The following MICU1 variants were observed in gnomAD, a reference collection of about 807,000 sequenced individuals.
The protein encoded by MICU1 is calcium uptake protein 1, mitochondrial.
Under a neutral mutation model 56.8 loss-of-function variants are expected in MICU1, and 45 were observed. The ratio of observed to expected loss-of-function variants is 0.79; its 90% CI spans 0.62 to 1.02. The LOEUF (loss-of-function observed/expected upper bound fraction) is 1.02. Among genes scored for constraint, MICU1 ranks in the 50% least tolerant of loss-of-function variants. The pLI is 0.00. For synonymous variants in MICU1, 186 were observed against 195.1 expected (o/e 0.95, Z 0.39); for missense variants, 504 against 587.1 (o/e 0.86, Z 1.46).
intron 8 of MICU1, chr10:72,467,684 T>C (rs1865834975): frequency 6.6e-6 from 1 of 152,204 alleles, no homozygotes; most frequent in Admixed American, 6.6e-5. Context: ...TCTTTTTCTT[T>C]CTGATTGAAC....
chr10:72,403,890 C>T (rs1351633262), intron 10 of MICU1, among the ~76,000 whole-genome samples: 5 of 151,896 alleles, frequency 3.3e-5, no homozygotes, highest in African/African-American at 9.7e-5. Context: ...CTCCTGACCT[C>T]GTGATCCGCC....
chr10:72,386,531 C>T (rs1862895020), intron 10 of MICU1, among the ~76,000 whole-genome samples: 2 of 151,024 alleles, frequency 1.3e-5, no homozygotes, highest in Non-Finnish European at 1.5e-5. Flanking sequence ...TATAGAGCCG[C>T]ACTCATCCCT....
intron 5 of MICU1, chr10:72,524,843 A>G (rs1867919910): frequency 2.7e-6 from 2 of 751,986 alleles, no homozygotes; most frequent in Admixed American, 8.6e-5. Flanking sequence ...ATATACAAAG[A>G]AACAGTTAAA....
intron 8 of MICU1, among the ~76,000 whole-genome samples, chr10:72,474,207 G>A (rs548345875): frequency 4.8e-4 from 56 of 117,012 alleles, no homozygotes; most frequent in African/African-American, 1.8e-3. Context: ...AGTGAGCCAA[G>A]ATCATATCAT....
At chr10:72,443,739 T>C (rs1272611881) in intron 8 of MICU1, among the ~76,000 whole-genome samples, 2 of 152,106 alleles carry the variant, frequency 1.3e-5, no homozygotes, top group Non-Finnish European at 2.9e-5. Flanking sequence ...CTGGAGAGGA[T>C]GTGGAGAAAT....
chr10:72,398,426 G>A lies in MICU1; in HGVS notation c.1180+9503C>T, dbSNP rs949182207. ...AAATGCAAAAGCTAGCAGAAGGCAAGAAATAACTAAGATCAGAGCAGAACT... is the reference window on the plus strand; with the variant it reads ...AAATGCAAAAGCTAGCAGAAGGCAAAAAATAACTAAGATCAGAGCAGAACT... On this transcript the variant is annotated intron_variant, in intron 10 of 11. Transcript: ENST00000361114. 4.7e-5 allele frequency among the ~76,000 whole-genome samples: 7 copies of A among 150,448 alleles called. No individual in the cohort carries two copies. The Admixed American group carries it at 4.7e-4, about 10-fold the overall frequency.
intron 6 of MICU1, among the ~76,000 whole-genome samples, chr10:72,500,319 T>C (rs1432996146): frequency 1.0e-4 from 10 of 96,050 alleles, no homozygotes; most frequent in African/African-American, 3.8e-4. Context: ...TTTTTTTTTT[T>C]TTTTTTTTTT....
At chr10:72,586,850 A>T (rs1841076761) in intron 1 of MICU1, among the ~76,000 whole-genome samples, 2 of 152,342 alleles carry the variant, frequency 1.3e-5, no homozygotes, top group East Asian at 3.9e-4. Flanking sequence ...AGACTATGGC[A>T]CATGCCTATA....
chr10:72,430,803 G>A lies in MICU1; in HGVS notation c.934-7432C>T, dbSNP rs375579758. Among the ~76,000 whole-genome samples, 47 of 152,102 alleles carry A rather than the reference G, an allele frequency of 3.1e-4. No individual in the cohort carries two copies. In the East Asian group the frequency reaches 3.3e-3, roughly 11 times the overall value. Reference sequence around the variant, plus strand: ...ATGAACTCCTGACCTCAGGTGATCCGCCAGCCTCAGCCTCCCAAAGTGCTG... The same window carrying A: ...ATGAACTCCTGACCTCAGGTGATCCACCAGCCTCAGCCTCCCAAAGTGCTG... On this transcript the variant is annotated intron_variant, in intron 8 of 11. Coordinates refer to ENST00000361114, the MANE Select transcript of MICU1 (RefSeq NM_001195518.2).
At chr10:72,579,703 C>T (rs1660948627) in intron 1 of MICU1, among the ~76,000 whole-genome samples, 1 of 152,036 alleles carries the variant, frequency 6.6e-6, no homozygotes, top group African/African-American at 2.4e-5. Flanking sequence ...TGCCAAACAA[C>T]CACAGAATGT....
chr10:72,371,875 G>A (rs1339846677), intron 11 of MICU1, among the ~76,000 whole-genome samples: 1 of 151,954 alleles, frequency 6.6e-6, no homozygotes, highest in Non-Finnish European at 1.5e-5. Flanking sequence ...GAGCAATATA[G>A]TGAGACCCTG....
At chr10:72,439,225 G>A (rs1456112179) in intron 8 of MICU1, among the ~76,000 whole-genome samples, 6 of 152,166 alleles carry the variant, frequency 3.9e-5, no homozygotes, top group Middle Eastern at 3.2e-3. Context: ...CTTCATCCCT[G>A]GGATGCAAGG....
intron 3 of MICU1, among the ~76,000 whole-genome samples, chr10:72,562,405 C>T (rs557431580): frequency 6.6e-6 from 1 of 152,178 alleles, no homozygotes; most frequent in Admixed American, 6.5e-5. Context: ...CCACCCACCT[C>T]CGCCTCCCAG....
chr10:72,381,698 G>A (rs1328949039), intron 10 of MICU1, among the ~76,000 whole-genome samples: 1 of 152,164 alleles, frequency 6.6e-6, no homozygotes, highest in Non-Finnish European at 1.5e-5. Context: ...ACACCACGGA[G>A]AAGATCTGTT....
intron 10 of MICU1, among the ~76,000 whole-genome samples, chr10:72,399,705 G>A (rs1446729670): frequency 2.0e-5 from 3 of 152,178 alleles, no homozygotes; most frequent in Non-Finnish European, 4.4e-5. Flanking sequence ...GCTCACGCCT[G>A]TAATCCCAGC....
chr10:72,623,340 A>C, intron 1 of MICU1, among the ~76,000 whole-genome samples: 1 of 144,930 alleles, frequency 6.9e-6, no homozygotes, highest in South Asian at 2.2e-4. Context: ...AAGAAAAGGG[A>C]AGGGGAGGGG....
At chr10:72,512,107 G>GTTTTTTTTTTTT (rs869183579) in intron 5 of MICU1, among the ~76,000 whole-genome samples, 4 of 29,504 alleles carry the variant, frequency 1.4e-4, no homozygotes, top group African/African-American at 3.7e-4. Context: ...GTTGTTTTTT[G>GTTTTTTTTTTTT]TTTTTTTTTT....
chr10:72,608,320 C>G (rs1477461369), intron 1 of MICU1, among the ~76,000 whole-genome samples: 11 of 152,212 alleles, frequency 7.2e-5, no homozygotes. Context: ...GATCCACCCA[C>G]CTCGGCAGCC....
At chr10:72,446,474 GT>G in intron 8 of MICU1, among the ~76,000 whole-genome samples, 1 of 152,058 alleles carries the variant, frequency 6.6e-6, no homozygotes, top group East Asian at 1.9e-4. Flanking sequence ...GGGATTACAG[GT>G]GTCCGCTACC....
Sources: gnomAD v4.1 joint callset for allele counts (sites outside exome capture counted in the v4.1 genomes callset) on GRCh38, gnomAD v4.1.1 for gene constraint, MANE v1.5 for transcripts, NCBI Gene and HGNC (gene_info 2026-07-23, HGNC 2026-07-21) for gene names.